VOPP1: variants seen among roughly 807,000 people sequenced by gnomAD.
VOPP1 encodes the protein VOPP1 WW domain binding protein, also known as WW domain binding protein VOPP1.
A neutral mutation model predicts 23.5 loss-of-function variants in VOPP1; 8 were observed. The observed-to-expected ratio is 0.34, with a 90% confidence interval of 0.20 to 0.61. The LOEUF is 0.61. Among genes scored for constraint, VOPP1 ranks in the 20% least tolerant of loss-of-function variants. The pLI is 0.78. For synonymous variants in VOPP1, 83 were observed against 97.3 expected (o/e 0.85, Z 0.86); for missense variants, 174 against 238.1 (o/e 0.73, Z 1.77).
At chr7:55,478,597 G>C (rs1792452479) in intron 4 of VOPP1, among the ~76,000 whole-genome samples, 1 of 152,206 alleles carries the variant, frequency 6.6e-6, no homozygotes, top group Non-Finnish European at 1.5e-5. Flanking sequence ...GAGGGAAAAT[G>C]AAAGACCAAG....
At chr7:55,464,671 T>G (rs1476908557) in intron 4 of VOPP1, among the ~76,000 whole-genome samples, 1 of 152,180 alleles carries the variant, frequency 6.6e-6, no homozygotes, top group African/African-American at 2.4e-5. Context: ...CAGCCAGTGT[T>G]GTGATGCTGC....
rs535239846 is a variant in VOPP1 at position 55,504,932 on chromosome 7, C to T, written c.114-7242G>A. The stretch of plus-strand genomic sequence containing the variant: ...AACCTTCCATCAAAACTTCCAAGTT[C>T]TTCTCAGTAAGTTCTGTCTTCTCAT... On this transcript the variant is annotated intron_variant, in intron 2 of 4. Transcript: ENST00000285279. Among the ~76,000 whole-genome samples the T allele has an allele frequency of 3.2e-4, 48 of 152,344 alleles. No individual in the cohort carries two copies. In the South Asian group the frequency reaches 9.5e-3, roughly 30 times the overall value.
chr7:55,513,898 A>G (rs1457037058), intron 2 of VOPP1, among the ~76,000 whole-genome samples: 2 of 152,202 alleles, frequency 1.3e-5, no homozygotes, highest in East Asian at 3.8e-4. Context: ...TCACAGTAAC[A>G]AGAAATTTGC....
chr7:55,540,166 G>A (rs899595474), intron 1 of VOPP1, among the ~76,000 whole-genome samples: 11 of 152,118 alleles, frequency 7.2e-5, no homozygotes, highest in Non-Finnish European at 8.8e-5. Context: ...TTGGGAGGCC[G>A]AGGAGGGTGG....
intron 4 of VOPP1, among the ~76,000 whole-genome samples, chr7:55,482,277 A>G (rs1030283174): frequency 6.6e-6 from 1 of 152,024 alleles, no homozygotes; most frequent in South Asian, 2.1e-4. Flanking sequence ...CTCTTGAGGT[A>G]CATACATTAT....
intron 4 of VOPP1, among the ~76,000 whole-genome samples, chr7:55,476,315 C>A (rs551737760): frequency 4.6e-5 from 7 of 152,266 alleles, no homozygotes; most frequent in South Asian, 2.1e-4. Context: ...CTGACAATCA[C>A]CCCTTCTCAG....
chr7:55,508,811 G>A (rs1452327831), intron 2 of VOPP1, among the ~76,000 whole-genome samples: 2 of 152,140 alleles, frequency 1.3e-5, no homozygotes, highest in Non-Finnish European at 1.5e-5. Context: ...ATACTAAAGT[G>A]AAAAACAGAA....
At chr7:55,511,583 C>A (rs1438476567) in intron 2 of VOPP1, among the ~76,000 whole-genome samples, 5 of 152,190 alleles carry the variant, frequency 3.3e-5, no homozygotes, top group Non-Finnish European at 7.3e-5. Flanking sequence ...TCAGGGCAAA[C>A]CTGCCTCCCA....
At chr7:55,524,724 A>G (rs187766058) in intron 1 of VOPP1, among the ~76,000 whole-genome samples, 54 of 152,304 alleles carry the variant, frequency 3.5e-4, no homozygotes, top group Non-Finnish European at 7.2e-4. Context: ...AGCTTGCCCA[A>G]TTGAGGAGGA....
At chr7:55,534,781 G>A (rs1796687178) in intron 1 of VOPP1, among the ~76,000 whole-genome samples, 2 of 152,200 alleles carry the variant, frequency 1.3e-5, no homozygotes, top group Admixed American at 1.3e-4. Context: ...CCCTACAGCT[G>A]AGCGCTGCTC....
At chr7:55,458,482 A>T (rs1191359039) in intron 4 of VOPP1, among the ~76,000 whole-genome samples, 2 of 152,102 alleles carry the variant, frequency 1.3e-5, no homozygotes, top group East Asian at 3.8e-4. Context: ...TTTGATAGAG[A>T]TTGCTTTGAA....
intron 1 of VOPP1, among the ~76,000 whole-genome samples, chr7:55,528,279 A>G (rs901319888): frequency 6.6e-6 from 1 of 152,240 alleles, no homozygotes; most frequent in Non-Finnish European, 1.5e-5. Context: ...AATAATATGG[A>G]AAGCCATGTA....
chr7:55,564,095 G>T (rs1798073874), intron 1 of VOPP1, among the ~76,000 whole-genome samples: 1 of 152,166 alleles, frequency 6.6e-6, no homozygotes, highest in African/African-American at 2.4e-5. Context: ...TTACACAGCT[G>T]CCCTTAGGCT....
chr7:55,508,561 G>A (rs910657792), intron 2 of VOPP1, among the ~76,000 whole-genome samples: 1 of 152,140 alleles, frequency 6.6e-6, no homozygotes, highest in African/African-American at 2.4e-5. Context: ...CACTGCACCT[G>A]GCCCAGAGTT....
intron 3 of VOPP1, 54 bp downstream of exon 3, chr7:55,497,559 G>A (rs575468925): frequency 3.8e-6 from 4 of 1,040,062 alleles, no homozygotes; most frequent in African/African-American, 4.0e-5. Flanking sequence ...ACTGATGGGG[G>A]GGGGGGGGGG....
At position 55,525,840 on chromosome 7, in the gene VOPP1, G is replaced by A. The variant is rs1011530785; in HGVS notation, c.55-4710C>T. 3.2e-4 allele frequency among the ~76,000 whole-genome samples: 48 copies of A among 148,178 alleles called. 1 individual carries two copies. The highest frequency in any genetic ancestry group is 2.0e-4 in the Admixed American group (3 of 15,056). ...AACCTTAAAATGTATGGAAACTAAG[G>A]GGGAAAAAAGTGAATTTCCAGGTTT... On this transcript the variant is annotated intron_variant, in intron 1 of 4. Transcript: ENST00000285279.
chr7:55,445,212 CACAG>C (rs59437396), intron 4 of VOPP1, among the ~76,000 whole-genome samples: 23,282 of 143,840 alleles, frequency 0.16, 1,991 homozygotes, highest in Middle Eastern at 0.28. Context: ...TACACACACA[CACAG>C]ACACACACAC....
At chr7:55,447,507 G>A (rs567930201) in intron 4 of VOPP1, among the ~76,000 whole-genome samples, 2 of 152,234 alleles carry the variant, frequency 1.3e-5, no homozygotes, top group Non-Finnish European at 1.5e-5. Context: ...GAGTGATGCC[G>A]CCACCTAAAT....
At chr7:55,452,096 AC>A (rs140109015) in intron 4 of VOPP1, among the ~76,000 whole-genome samples, 197 of 152,250 alleles carry the variant, frequency 1.3e-3, no homozygotes, top group Non-Finnish European at 2.3e-3. Context: ...AAACCCTGCC[AC>A]TACTTTACCA....
Sources: gnomAD v4.1 joint callset for allele counts (sites outside exome capture counted in the v4.1 genomes callset) on GRCh38, gnomAD v4.1.1 for gene constraint, MANE v1.5 for transcripts, NCBI Gene and HGNC (gene_info 2026-07-23, HGNC 2026-07-21) for gene names.